Variants in CELF2 observed in about 807,000 individuals in gnomAD.
CELF2 encodes the protein CUG triplet repeat RNA-binding protein 2.
Under a neutral mutation model 62.6 loss-of-function variants are expected in CELF2, and 8 were observed. That is an observed-to-expected ratio of 0.13 (90% CI 0.07 to 0.23). The LOEUF is 0.23. CELF2 is among the 10% of genes least tolerant of loss of function. The probability of loss-of-function intolerance (pLI) is 1.00; values close to 1 mark genes in which losing one functional copy is unlikely to be tolerated. For missense variants in CELF2, 333 were observed against 671.0 expected (o/e 0.50, Z 5.56); for synonymous variants, 258 against 250.0 (o/e 1.03, Z -0.30).
chr10:10,505,497 T>C, the CELF2 span, among the ~76,000 whole-genome samples: 346 of 152,000 alleles, frequency 2.3e-3, 5 homozygotes, highest in East Asian at 0.054. Context: ...AAGTTCAGGC[T>C]CCCCTACATA....
intron 3 of CELF2, among the ~76,000 whole-genome samples, chr10:11,226,749 G>A (rs1261247948): frequency 2.0e-5 from 3 of 151,982 alleles, no homozygotes; most frequent in African/African-American, 4.8e-5. Flanking sequence ...TTCAGCGAGC[G>A]AGGCAAGGTA....
chr10:10,574,014 T>C, the CELF2 span, among the ~76,000 whole-genome samples: 2 of 152,202 alleles, frequency 1.3e-5, no homozygotes, highest in South Asian at 2.1e-4. Flanking sequence ...AAGGATCAAT[T>C]TGATCTGATC....
chr10:11,112,729 C>T (rs980343881), intron 1 of CELF2, among the ~76,000 whole-genome samples: 4 of 152,214 alleles, frequency 2.6e-5, no homozygotes, highest in South Asian at 2.1e-4. Flanking sequence ...GAAGTTGGGG[C>T]AACACAAATG....
rs965218113 is a variant in CELF2 at position 11,224,053 on chromosome 10, T to C, written c.354+6546T>C. 1.3e-5 allele frequency among the ~76,000 whole-genome samples: 2 copies of C among 152,208 alleles called. No individual in the cohort carries two copies. Among genetic ancestry groups the C allele is most frequent in the African/African-American group, 4.8e-5 (2 of 41,440 alleles). ...TAAAAAACTAGTTATTTTTAAAGCA[T>C]GGCCTACTCGGTATAAGGAATTGTA... On this transcript the variant is annotated intron_variant, in intron 3 of 12. Coordinates refer to ENST00000633077, the MANE Select transcript of CELF2 (RefSeq NM_001326342.2). The surrounding 1 kb of genome is among the most constrained non-coding windows in gnomAD (Gnocchi z 4.5).
At chr10:10,506,077 C>T in the CELF2 span, among the ~76,000 whole-genome samples, 1 of 111,548 alleles carries the variant, frequency 9.0e-6, no homozygotes, top group African/African-American at 2.7e-5. Flanking sequence ...TCGGTATTCT[C>T]TCATTTTTTT....
At chr10:11,091,217 C>T (rs2048235325) in intron 1 of CELF2, among the ~76,000 whole-genome samples, 1 of 152,172 alleles carries the variant, frequency 6.6e-6, no homozygotes, top group Non-Finnish European at 1.5e-5. Flanking sequence ...CGACAAACAC[C>T]AAATTCAGGT....
At chr10:11,218,220 T>C (rs2063830209) in intron 3 of CELF2, among the ~76,000 whole-genome samples, 1 of 152,236 alleles carries the variant, frequency 6.6e-6, no homozygotes, top group Non-Finnish European at 1.5e-5. Flanking sequence ...GTTTTCCCCA[T>C]TGACCCAAAT....
intron 1 of CELF2, among the ~76,000 whole-genome samples, chr10:11,066,957 T>C (rs1227094689): frequency 6.6e-6 from 1 of 152,176 alleles, no homozygotes; most frequent in African/African-American, 2.4e-5. Flanking sequence ...TGCTTGGCTC[T>C]GTAGTTACTG....
upstream of CELF2, among the ~76,000 whole-genome samples, chr10:10,797,917 T>C (rs1395505994): frequency 6.6e-6 from 1 of 152,138 alleles, no homozygotes; most frequent in Admixed American, 6.5e-5. Context: ...TTAAAACATC[T>C]CTCATGCACA....
At chr10:10,908,597 CA>C (rs1215011029) in intron 1 of CELF2, among the ~76,000 whole-genome samples, 1 of 151,896 alleles carries the variant, frequency 6.6e-6, no homozygotes, top group Non-Finnish European at 1.5e-5. Flanking sequence ...GAGAAAGAAG[CA>C]TTTTATTATG....
the CELF2 span, among the ~76,000 whole-genome samples, chr10:10,555,403 G>A: frequency 0.016 from 2,376 of 151,900 alleles, 77 homozygotes; most frequent in African/African-American, 0.054. Flanking sequence ...AAAAGGAACC[G>A]TGTCTGTATA....
chr10:10,488,578 C>T, the CELF2 span, among the ~76,000 whole-genome samples: 5 of 152,150 alleles, frequency 3.3e-5, no homozygotes, highest in African/African-American at 1.2e-4. Flanking sequence ...TAATATCTTC[C>T]TCATTTTATA....
chr10:10,661,727 A>G, the CELF2 span, among the ~76,000 whole-genome samples: 4 of 152,226 alleles, frequency 2.6e-5, no homozygotes, highest in Non-Finnish European at 5.9e-5. Flanking sequence ...CTTGAAGCAG[A>G]GGCTGAGACA....
chr10:11,170,739 A>C (rs539233616), intron 2 of CELF2, among the ~76,000 whole-genome samples: 184 of 152,228 alleles, frequency 1.2e-3, no homozygotes, highest in African/African-American at 4.3e-3. Context: ...AGATATGGAA[A>C]GTGTGTTCAA....
At chr10:10,763,399 G>A in the CELF2 span, among the ~76,000 whole-genome samples, 3 of 152,164 alleles carry the variant, frequency 2.0e-5, no homozygotes, top group Admixed American at 6.6e-5. Context: ...AGATCCCTAC[G>A]TATGTAATTA....
the CELF2 span, among the ~76,000 whole-genome samples, chr10:10,708,644 A>G: frequency 6.6e-6 from 1 of 152,192 alleles, no homozygotes; most frequent in Admixed American, 6.6e-5. Flanking sequence ...TCTATTTTAG[A>G]GCTATTTCTC....
chr10:10,693,860 C>G, the CELF2 span, among the ~76,000 whole-genome samples: 1 of 149,912 alleles, frequency 6.7e-6, no homozygotes, highest in African/African-American at 2.4e-5. Context: ...TAGTGATATC[C>G]CCTTTATCAT....
At chr10:11,041,247 A>G (rs1430933088) in intron 1 of CELF2, among the ~76,000 whole-genome samples, 1 of 152,160 alleles carries the variant, frequency 6.6e-6, no homozygotes, top group African/African-American at 2.4e-5. Flanking sequence ...TAACACCATC[A>G]TGTTGGGGGT....
At chr10:10,749,062 T>C in the CELF2 span, among the ~76,000 whole-genome samples, 1 of 152,132 alleles carries the variant, frequency 6.6e-6, no homozygotes, top group African/African-American at 2.4e-5. Context: ...TTACGGGAGA[T>C]TCGTAGCAGG....
Sources: gnomAD v4.1 joint callset for allele counts (sites outside exome capture counted in the v4.1 genomes callset) on GRCh38, gnomAD v4.1.1 for gene constraint, Gnocchi (gnomAD v3.1) non-coding constraint, MANE v1.5 for transcripts, NCBI Gene and HGNC (gene_info 2026-07-23, HGNC 2026-07-21) for gene names.